The following ANKS1A variants were observed in gnomAD, a reference collection of about 807,000 sequenced individuals.
ANKS1A encodes the protein ankyrin repeat and SAM domain-containing protein 1A.
ANKS1A carries 55 observed loss-of-function variants against 120.3 expected under a neutral mutation model. The observed-to-expected ratio is 0.46, with a 90% CI of 0.37 to 0.57. The LOEUF (loss-of-function observed/expected upper bound fraction) is 0.57. Among genes scored for constraint, ANKS1A ranks in the 20% least tolerant of loss-of-function variants. ANKS1A has a pLI of 0.00. For synonymous variants in ANKS1A, 590 were observed against 604.7 expected (o/e 0.98, Z 0.36); for missense variants, 1,123 against 1,480.3 (o/e 0.76, Z 3.96).
intron 3 of ANKS1A, among the ~76,000 whole-genome samples, chr6:34,974,356 CCT>C (rs1771436708): frequency 2.7e-4 from 1 of 3,696 alleles, no homozygotes; most frequent in Non-Finnish European, 5.4e-4. Flanking sequence ...CTTCCCTTCC[CCT>C]TCCATTTCCC....
intron 10 of ANKS1A, among the ~76,000 whole-genome samples, chr6:34,995,374 TTTTG>T (rs1772795836): frequency 2.0e-5 from 3 of 147,832 alleles, no homozygotes; most frequent in African/African-American, 8.0e-5. Context: ...TAGTGTTTTT[TTTTG>T]TTTTGTTTTG....
At chr6:35,045,918 T>G (rs1457112724) in intron 11 of ANKS1A, among the ~76,000 whole-genome samples, 1 of 152,158 alleles carries the variant, frequency 6.6e-6, no homozygotes, top group Non-Finnish European at 1.5e-5. Context: ...GTGGTCGACC[T>G]TGCTGTGAGC....
rs188707966 is a variant in ANKS1A at position 34,994,703 on chromosome 6, G to A, written c.1423+281G>A. Among the ~76,000 whole-genome samples, 53 of 152,258 alleles carry A rather than the reference G, an allele frequency of 3.5e-4. No homozygotes were observed. The East Asian group carries it at 7.7e-3, about 22-fold the overall frequency. ...TGGGAGGAGAGACCACCAGCCCCAC[G>A]GCAGAGATTGATTTGGGGTCTCAAA... On this transcript the variant is annotated intron_variant, in intron 10 of 23. Transcript: ENST00000360359.
At chr6:35,013,624 C>T (rs906513317) in intron 10 of ANKS1A, among the ~76,000 whole-genome samples, 6 of 152,176 alleles carry the variant, frequency 3.9e-5, no homozygotes, top group Non-Finnish European at 8.8e-5. Context: ...CTGGGTGCCT[C>T]CTGAGGACAG....
In ANKS1A at chr6:35,048,812, G is replaced by A. The variant is rs142975991; in HGVS notation, c.2011-5287G>A. On this transcript the variant is annotated intron_variant, in intron 11 of 23. Transcript: ENST00000360359. ...ATTTTGACGTCAGCAGTCGCCTGAT[G>A]GGATCGGCACAGAGCATCTGGTGAG... 1.2e-4 allele frequency among the ~76,000 whole-genome samples: 19 copies of A among 152,344 alleles called. 1 individual carries two copies. The East Asian group carries it at 3.1e-3, about 25-fold the overall frequency.
intron 8 of ANKS1A, among the ~76,000 whole-genome samples, chr6:34,988,191 C>T (rs750211670): frequency 2.6e-5 from 4 of 152,242 alleles, no homozygotes; most frequent in Non-Finnish European, 5.9e-5. Flanking sequence ...TAGCCACACT[C>T]ATTTATTTAC....
intron 8 of ANKS1A, among the ~76,000 whole-genome samples, chr6:34,987,645 T>C (rs1329624584): frequency 6.6e-6 from 1 of 152,242 alleles, no homozygotes; most frequent in Admixed American, 6.5e-5. Flanking sequence ...TCCATCTGGT[T>C]CCAGGGTCTA....
intron 8 of ANKS1A, among the ~76,000 whole-genome samples, chr6:34,985,660 A>G (rs1772157294): frequency 6.6e-6 from 1 of 152,242 alleles, no homozygotes; most frequent in African/African-American, 2.4e-5. Flanking sequence ...GTGAAAGCTC[A>G]CTGAAATGAG....
intron 11 of ANKS1A, among the ~76,000 whole-genome samples, chr6:35,026,726 T>C (rs1231358842): frequency 6.6e-6 from 1 of 152,136 alleles, no homozygotes; most frequent in Non-Finnish European, 1.5e-5. Context: ...GTAAGAGAAA[T>C]TTAAAATCCT....
At chr6:34,959,390 A>G (rs1770524575) in intron 1 of ANKS1A, among the ~76,000 whole-genome samples, 1 of 152,240 alleles carries the variant, frequency 6.6e-6, no homozygotes. Context: ...GATTGCTGAA[A>G]ACTGAATGTT....
Position 34,999,863 on chromosome 6 carries a change from A to G in ANKS1A, c.1423+5441A>G, listed in dbSNP as rs1581623466. On this transcript the variant is annotated intron_variant, in intron 10 of 23. Transcript: ENST00000360359. Reference sequence around the variant, plus strand: ...GAGAGGAAAAGACAGGAAGAGACAGAGAGACAAAGAAGGAGTCAAGAAAAG... The same window carrying G: ...GAGAGGAAAAGACAGGAAGAGACAGGGAGACAAAGAAGGAGTCAAGAAAAG... 2.0e-5 allele frequency among the ~76,000 whole-genome samples: 3 copies of G among 152,244 alleles called. 1 individual carries two copies. The East Asian group carries it at 5.8e-4, about 29-fold the overall frequency.
intron 1 of ANKS1A, among the ~76,000 whole-genome samples, chr6:34,901,218 G>T (rs979922373): frequency 1.1e-4 from 15 of 140,332 alleles, no homozygotes; most frequent in Non-Finnish European, 1.6e-4. Context: ...TTCCAACTCT[G>T]TTTTTTTTTT....
At chr6:34,946,630 A>C (rs1481617593) in intron 1 of ANKS1A, among the ~76,000 whole-genome samples, 4 of 151,524 alleles carry the variant, frequency 2.6e-5, no homozygotes, top group South Asian at 4.2e-4. Context: ...GATGTTTATC[A>C]ATTTCATTGA....
chr6:35,022,009 G>A (rs1774371302), intron 11 of ANKS1A, among the ~76,000 whole-genome samples: 1 of 151,298 alleles, frequency 6.6e-6, no homozygotes, highest in Non-Finnish European at 1.5e-5. Context: ...ACAAAACAGA[G>A]CTCTTTGCAG....
Position 34,989,259 on chromosome 6 carries a change from C to T in ANKS1A, c.1245C>T (p.Pro415=), listed in dbSNP as rs367861541. 17 of 1,613,856 alleles carry T rather than the reference C, an allele frequency of 1.1e-5. No individual in the cohort carries two copies. The highest frequency in any genetic ancestry group is 1.0e-4 in the Admixed American group (6 of 60,004). ...ERPPPPAKPP[P]DEEEEDHIDK... is the part of the protein sequence containing the mutation. ...CACCACCTCCAGCAAAGCCACCGCC[C>T]GATGAAGAGGAAGAAGACCACATAG... Residue 415 remains proline (P), a synonymous_variant, in exon 9 of 24, where the codon CCC becomes CCT. Transcript: ENST00000360359.
intron 11 of ANKS1A, among the ~76,000 whole-genome samples, chr6:35,035,329 G>C (rs1775110615): frequency 6.6e-6 from 1 of 152,092 alleles, no homozygotes; most frequent in Admixed American, 6.5e-5. Context: ...GGGGCTGGGG[G>C]CTCATCTGAA....
rs568751846 is a variant in ANKS1A, at chr6:35,090,987, G to A, written c.*2378G>A. The A allele has an allele frequency of 6.0e-5, 59 of 985,884 alleles. No individual in the cohort carries two copies. The South Asian group carries it at 1.6e-3, about 27-fold the overall frequency. The allele number at this position is 985,884 out of a possible 1,614,324, so 61.1% of individuals were successfully genotyped here. A position where few individuals can be genotyped will look rare whatever the true frequency, so the allele number is the denominator to read the frequency against. On this transcript the variant is annotated 3_prime_UTR_variant, in exon 24 of 24. Transcript: ENST00000360359. ...ACTAATGGGAGTTCCCGAGATGCTC[G>A]GGTTTGAGCAGGGAGCAGGCAGAGC...
intron 9 of ANKS1A, 71 bp downstream of exon 9, chr6:34,989,387 T>A: frequency 7.1e-7 from 1 of 1,400,346 alleles, no homozygotes; most frequent in Non-Finnish European, 1.0e-6. Context: ...ATGTGTGCTT[T>A]AAAAGACTTT....
Position 34,982,799 on chromosome 6 carries a change from C to T in ANKS1A, c.780C>T (p.Thr260=), listed in dbSNP as rs768115170. 16 of 1,614,064 alleles carry T rather than the reference C, an allele frequency of 9.9e-6. No homozygotes were observed. Among genetic ancestry groups the T allele is most frequent in the Admixed American group, 6.7e-5 (4 of 60,006 alleles). ...ALHEAALFGK[T]DVVQILLAAG... Reference sequence around the variant, plus strand: ...ATGAGGCTGCTTTGTTTGGCAAGACCGATGTGGTGCAAATCCTGCTGGCTG... The same window carrying T: ...ATGAGGCTGCTTTGTTTGGCAAGACTGATGTGGTGCAAATCCTGCTGGCTG... Residue 260 remains threonine, a synonymous_variant, in exon 5 of 24, where the codon ACC becomes ACT. Transcript: ENST00000360359. The surrounding 1 kb of genome is among the most constrained non-coding windows in gnomAD (Gnocchi z 4.9).
Sources: gnomAD v4.1 joint callset for allele counts (sites outside exome capture counted in the v4.1 genomes callset) on GRCh38, gnomAD v4.1.1 for gene constraint, Gnocchi (gnomAD v3.1) non-coding constraint, MANE v1.5 for transcripts, NCBI Gene and HGNC (gene_info 2026-07-23, HGNC 2026-07-21) for gene names.